FBXL17: variants seen among roughly 807,000 people sequenced by gnomAD.
The protein encoded by FBXL17 is F-box/LRR-repeat protein 17.
In FBXL17, 22 loss-of-function variants were observed where a neutral mutation model predicts 66.2. The observed-to-expected ratio is 0.33, with a 90% CI of 0.24 to 0.47. The LOEUF (loss-of-function observed/expected upper bound fraction) is 0.47. Ranked by LOEUF, FBXL17 falls within the 20% of genes least tolerant of loss-of-function variation. FBXL17 has a pLI of 1.00. For missense variants in FBXL17, 878 were observed against 948.2 expected, an observed-to-expected ratio of 0.93 and a Z score of 0.97; for synonymous variants, 474 against 400.5, an observed-to-expected ratio of 1.18 and a Z score of -2.19.
intron 6 of FBXL17, among the ~76,000 whole-genome samples, chr5:108,064,406 G>A (rs1748038300): frequency 6.6e-6 from 1 of 152,086 alleles, no homozygotes; most frequent in South Asian, 2.1e-4. Flanking sequence ...TCTAAAGTAG[G>A]GGAGACCATG....
chr5:108,308,767 A>G (rs1315731804), intron 4 of FBXL17, among the ~76,000 whole-genome samples: 2 of 152,132 alleles, frequency 1.3e-5, no homozygotes, highest in East Asian at 3.8e-4. Flanking sequence ...AGGTAGCATT[A>G]ATTTTTTTAA....
intron 4 of FBXL17, among the ~76,000 whole-genome samples, chr5:108,300,688 T>C (rs573455150): frequency 6.6e-6 from 1 of 151,846 alleles, no homozygotes; most frequent in East Asian, 1.9e-4. Context: ...TAGTATGAAA[T>C]AACTCACTTA....
At chr5:108,132,138 A>G (rs1173689668) in intron 6 of FBXL17, among the ~76,000 whole-genome samples, 14 of 152,186 alleles carry the variant, frequency 9.2e-5, no homozygotes, top group Middle Eastern at 3.4e-3. Flanking sequence ...CACCACGCCC[A>G]GCTAATTTTG....
intron 7 of FBXL17, among the ~76,000 whole-genome samples, chr5:107,980,486 C>T (rs1308327464): frequency 6.7e-6 from 1 of 149,226 alleles, no homozygotes; most frequent in Non-Finnish European, 1.5e-5. Context: ...CAAGCTCATG[C>T]CACCATGCCC....
intron 6 of FBXL17, among the ~76,000 whole-genome samples, chr5:108,045,819 G>A (rs1426035711): frequency 6.6e-6 from 1 of 152,170 alleles, no homozygotes; most frequent in Non-Finnish European, 1.5e-5. Context: ...ACTGTGGTCA[G>A]ACAATACAAT....
At chr5:107,978,842 T>G (rs1358484364) in intron 7 of FBXL17, among the ~76,000 whole-genome samples, 3 of 152,356 alleles carry the variant, frequency 2.0e-5, no homozygotes, top group Middle Eastern at 3.4e-3. Flanking sequence ...ATTAAACTCC[T>G]TCTTTACTGC....
At chr5:108,353,130 T>G (rs1199516946) in intron 3 of FBXL17, among the ~76,000 whole-genome samples, 1 of 152,204 alleles carries the variant, frequency 6.6e-6, no homozygotes, top group Non-Finnish European at 1.5e-5. Context: ...CAGTCTGGCA[T>G]GTAAGGAGTT....
intron 6 of FBXL17, among the ~76,000 whole-genome samples, chr5:108,057,406 T>C (rs982710379): frequency 9.2e-5 from 14 of 152,126 alleles, no homozygotes; most frequent in Non-Finnish European, 1.8e-4. Flanking sequence ...TTTCCCAGAG[T>C]TCTAAAAATG....
At chr5:108,323,183 C>T (rs1391800553) in intron 4 of FBXL17, among the ~76,000 whole-genome samples, 1 of 151,458 alleles carries the variant, frequency 6.6e-6, no homozygotes, top group Admixed American at 6.6e-5. Context: ...TCACAGATGA[C>T]ATGATATTGT....
intron 7 of FBXL17, among the ~76,000 whole-genome samples, chr5:107,949,483 T>G (rs1751430022): frequency 6.6e-6 from 1 of 152,188 alleles, no homozygotes; most frequent in Non-Finnish European, 1.5e-5. Context: ...ACATTCTACA[T>G]GTTTTAATGA....
At position 107,913,263 on chromosome 5, in the gene FBXL17, C is replaced by G. The variant is rs1438319440; in HGVS notation, c.1823-32084G>C. ...ATGAGAAGGTGGCATTTTTGTGGAA[C>G]TGACAGACTGAAGGAAGAGAGGTTT... On this transcript the variant is annotated intron_variant, in intron 7 of 8. Transcript: ENST00000542267. Among the ~76,000 whole-genome samples, 34 of 151,454 alleles carry G rather than the reference C, an allele frequency of 2.2e-4. 1 individual carries two copies. Among genetic ancestry groups the G allele is most frequent in the Admixed American group, 2.2e-3 (33 of 15,164 alleles).
intron 5 of FBXL17, among the ~76,000 whole-genome samples, chr5:108,193,762 G>C (rs1740233381): frequency 6.6e-6 from 1 of 151,972 alleles, no homozygotes; most frequent in Non-Finnish European, 1.5e-5. Context: ...ACAGGGTCTT[G>C]GAATTAATAG....
chr5:108,225,376 T>C (rs1251774157), intron 4 of FBXL17, among the ~76,000 whole-genome samples: 1 of 152,206 alleles, frequency 6.6e-6, no homozygotes, highest in Non-Finnish European at 1.5e-5. Flanking sequence ...TGATCTTATT[T>C]GGAAATGGGG....
At chr5:108,106,121 CT>C (rs1233999755) in intron 6 of FBXL17, among the ~76,000 whole-genome samples, 1 of 152,128 alleles carries the variant, frequency 6.6e-6, no homozygotes, top group Non-Finnish European at 1.5e-5. Context: ...GTTTAGGGCT[CT>C]TTCTACCATA....
chr5:108,084,190 C>T (rs1044995810), intron 6 of FBXL17, among the ~76,000 whole-genome samples: 9 of 152,140 alleles, frequency 5.9e-5, no homozygotes, highest in African/African-American at 1.7e-4. Flanking sequence ...GCTACATATA[C>T]GTGCCGCAAG....
intron 6 of FBXL17, among the ~76,000 whole-genome samples, chr5:108,170,105 C>A: frequency 6.6e-6 from 1 of 151,724 alleles, no homozygotes; most frequent in African/African-American, 2.4e-5. Flanking sequence ...TGCATGTGTG[C>A]ACAATACAAT....
At chr5:108,216,681 A>C (rs1754611852) in intron 5 of FBXL17, among the ~76,000 whole-genome samples, 1 of 152,140 alleles carries the variant, frequency 6.6e-6, no homozygotes, top group African/African-American at 2.4e-5. Context: ...CCTTAGGTAG[A>C]TAACAAGGGA....
At chr5:108,275,280 A>G (rs912335757) in intron 4 of FBXL17, among the ~76,000 whole-genome samples, 17 of 152,216 alleles carry the variant, frequency 1.1e-4, no homozygotes, top group African/African-American at 3.9e-4. Flanking sequence ...AAAGTTGGTC[A>G]AAGAGCTAGT....
At chr5:108,249,687 A>G (rs768046236) in intron 4 of FBXL17, among the ~76,000 whole-genome samples, 1 of 152,138 alleles carries the variant, frequency 6.6e-6, no homozygotes. Context: ...CTCAGTTCAT[A>G]TTCCACTGCC....
Sources: allele counts gnomAD v4.1 joint callset (sites outside exome capture counted in the v4.1 genomes callset), GRCh38; gene constraint gnomAD v4.1.1; transcripts MANE v1.5; gene names NCBI Gene and HGNC (gene_info 2026-07-23, HGNC 2026-07-21).